The following RSU1 variants were observed in gnomAD, a reference collection of about 807,000 sequenced individuals.
The protein encoded by RSU1 is rsu-1.
RSU1 carries 26 observed loss-of-function variants against 31.1 expected under a neutral mutation model. That is an observed-to-expected ratio of 0.84 (90% CI 0.61 to 1.16). The LOEUF (loss-of-function observed/expected upper bound fraction) is 1.16. RSU1 is among the 50% of genes most tolerant of loss of function. RSU1 has a pLI of 0.00. For synonymous variants in RSU1, 164 were observed against 136.3 expected, an observed-to-expected ratio of 1.20 and a Z score of -1.41; for missense variants, 320 against 339.1, an observed-to-expected ratio of 0.94 and a Z score of 0.44.
intron 8 of RSU1, among the ~76,000 whole-genome samples, chr10:16,645,278 A>T (rs1166025765): frequency 6.6e-6 from 1 of 152,180 alleles, no homozygotes; most frequent in African/African-American, 2.4e-5. Context: ...AGAAGTATTC[A>T]TTCTAGGTGA....
rs1252665111 is a variant in RSU1 at position 16,668,635 on chromosome 10, G to A, written c.731+26388C>T. ...CCCCCCAAGTTTTACTGCTTTCCCT[G>A]GTTCTCAGTGCAGTCACAAAGGTCC... On this transcript the variant is annotated intron_variant, in intron 8 of 8. Transcript: ENST00000345264. Among the ~76,000 whole-genome samples the A allele has an allele frequency of 5.3e-5, 8 of 152,132 alleles. No individual in the cohort carries two copies. In the South Asian group the frequency reaches 8.3e-4, roughly 16 times the overall value.
chr10:16,743,553 CA>C lies in RSU1; in HGVS notation c.598+8985del, dbSNP rs533601016. ...CTGAAAAATGTTAGTGATCAATTGA[CA>C]AAGTCAATCTTATTCATGCGAAAGT... On this transcript the variant is annotated intron_variant, in intron 7 of 8. Transcript: ENST00000345264. 4.1e-3 allele frequency among the ~76,000 whole-genome samples: 631 copies of C among 152,286 alleles called. 7 individuals carry two copies. The highest frequency in any genetic ancestry group is 0.014 in the African/African-American group (563 of 41,542).
intron 8 of RSU1, among the ~76,000 whole-genome samples, chr10:16,636,974 C>A (rs1834353841): frequency 6.6e-6 from 1 of 152,026 alleles, no homozygotes; most frequent in African/African-American, 2.4e-5. Context: ...ATTTTATTCC[C>A]TTTTGTAAGA....
intron 8 of RSU1, among the ~76,000 whole-genome samples, chr10:16,690,703 C>A (rs1835531334): frequency 6.6e-6 from 1 of 152,122 alleles, no homozygotes; most frequent in East Asian, 1.9e-4. Context: ...AACTTGAGGA[C>A]GTGCTCTGAG....
chr10:16,800,987 A>G, intron 2 of RSU1, among the ~76,000 whole-genome samples: 1 of 151,964 alleles, frequency 6.6e-6, no homozygotes. Flanking sequence ...CAAGGGCAAG[A>G]ATAGAAAACA....
At chr10:16,730,202 G>A (rs878935474) in intron 7 of RSU1, among the ~76,000 whole-genome samples, 1 of 152,128 alleles carries the variant, frequency 6.6e-6, no homozygotes, top group Non-Finnish European at 1.5e-5. Flanking sequence ...TGGTTACCAT[G>A]AGGACACACC....
chr10:16,714,065 A>G (rs1218780777), intron 7 of RSU1, among the ~76,000 whole-genome samples: 1 of 152,016 alleles, frequency 6.6e-6, no homozygotes, highest in African/African-American at 2.4e-5. Flanking sequence ...TGGGCTGAAT[A>G]TGTATGGGTG....
intron 2 of RSU1, among the ~76,000 whole-genome samples, chr10:16,811,462 T>C (rs1838407617): frequency 6.6e-6 from 1 of 152,154 alleles, no homozygotes; most frequent in African/African-American, 2.4e-5. Flanking sequence ...TCCCATTTTA[T>C]AGATGAGGCA....
chr10:16,693,950 T>C (rs1267221692), intron 8 of RSU1, among the ~76,000 whole-genome samples: 1 of 152,200 alleles, frequency 6.6e-6, no homozygotes, highest in East Asian at 1.9e-4. Flanking sequence ...GGGATGTTTT[T>C]GTCTTTTTTG....
intron 7 of RSU1, among the ~76,000 whole-genome samples, chr10:16,749,679 G>T (rs1487822540): frequency 6.6e-6 from 1 of 152,122 alleles, no homozygotes; most frequent in East Asian, 1.9e-4. Flanking sequence ...AAGAGACACG[G>T]GGACAACGCA....
intron 4 of RSU1, among the ~76,000 whole-genome samples, chr10:16,756,365 T>A (rs1048053845): frequency 6.6e-6 from 1 of 152,172 alleles, no homozygotes; most frequent in African/African-American, 2.4e-5. Flanking sequence ...AATCATACAA[T>A]TGACCCTTGA....
At chr10:16,811,327 C>A (rs1588552469) in intron 2 of RSU1, among the ~76,000 whole-genome samples, 1 of 152,152 alleles carries the variant, frequency 6.6e-6, no homozygotes, top group Admixed American at 6.5e-5. Flanking sequence ...CATAACGTAT[C>A]CCCACCATTA....
chr10:16,594,309 C>T (rs975108529), intron 8 of RSU1, among the ~76,000 whole-genome samples: 8 of 152,248 alleles, frequency 5.3e-5, no homozygotes, highest in East Asian at 3.9e-4. Context: ...CAGAGCCTGA[C>T]GTCCCTGTAC....
rs115527356 is a variant in RSU1, at chr10:16,806,296, C to A, written c.109+10677G>T. Among the ~76,000 whole-genome samples, 7 of 152,238 alleles carry A rather than the reference C, an allele frequency of 4.6e-5. No individual in the cohort carries two copies. The East Asian group carries it at 9.7e-4, about 21-fold the overall frequency. ...GGTGGCCACAGGCACTCAGCATGCT[C>A]GCTGAATTAGCCGTTATCTTCATCT... is the stretch of plus-strand genomic sequence containing the variant. On this transcript the variant is annotated intron_variant, in intron 2 of 8. Transcript: ENST00000345264.
intron 7 of RSU1, among the ~76,000 whole-genome samples, chr10:16,702,072 ACT>A (rs1400466639): frequency 6.6e-6 from 1 of 152,126 alleles, no homozygotes; most frequent in Non-Finnish European, 1.5e-5. Flanking sequence ...AATGGACAAA[ACT>A]CTGGTGGATC....
At chr10:16,676,498 T>C (rs550406247) in intron 8 of RSU1, among the ~76,000 whole-genome samples, 5 of 152,286 alleles carry the variant, frequency 3.3e-5, no homozygotes, top group African/African-American at 1.2e-4. Flanking sequence ...GTGGGGATTA[T>C]GGAAGCTACA....
intron 3 of RSU1, among the ~76,000 whole-genome samples, chr10:16,769,543 C>G (rs985869056): frequency 6.6e-6 from 1 of 152,160 alleles, no homozygotes; most frequent in Non-Finnish European, 1.5e-5. Flanking sequence ...GTCAGAATCA[C>G]CAGATGGCTT....
At chr10:16,647,851 A>G (rs907268510) in intron 8 of RSU1, among the ~76,000 whole-genome samples, 5 of 152,208 alleles carry the variant, frequency 3.3e-5, no homozygotes, top group Non-Finnish European at 5.9e-5. Flanking sequence ...GCTATTTAAA[A>G]AAAACTCCAC....
intron 2 of RSU1, among the ~76,000 whole-genome samples, chr10:16,804,055 A>G (rs947321285): frequency 2.0e-5 from 3 of 152,190 alleles, no homozygotes; most frequent in Non-Finnish European, 2.9e-5. Flanking sequence ...CAACAAGGAG[A>G]AAGTATTTGT....
Sources: gnomAD v4.1 joint callset for allele counts (sites outside exome capture counted in the v4.1 genomes callset) on GRCh38, gnomAD v4.1.1 for gene constraint, MANE v1.5 for transcripts, NCBI Gene and HGNC (gene_info 2026-07-23, HGNC 2026-07-21) for gene names.